PCCA: variants seen among roughly 807,000 people sequenced by gnomAD.
The protein encoded by PCCA is propionyl-CoA carboxylase alpha chain, mitochondrial.
PCCA carries 74 observed loss-of-function variants against 101.3 expected under a neutral mutation model. The observed-to-expected ratio is 0.73, with a 90% CI of 0.61 to 0.89. The LOEUF (loss-of-function observed/expected upper bound fraction) is 0.89. Among genes scored for constraint, PCCA ranks in the 40% least tolerant of loss-of-function variants. PCCA has a pLI of 0.00. For synonymous variants in PCCA, 294 were observed against 313.6 expected (o/e 0.94, Z 0.66); for missense variants, 891 against 907.0 (o/e 0.98, Z 0.23).
chr13:100,373,192 T>C (rs1404175876), intron 19 of PCCA, among the ~76,000 whole-genome samples: 1 of 152,204 alleles, frequency 6.6e-6, no homozygotes, highest in East Asian at 1.9e-4. Context: ...AGATGCTCAA[T>C]ATCACTAATC....
At chr13:100,095,884 T>C (rs539528682) in intron 1 of PCCA, among the ~76,000 whole-genome samples, 1 of 152,048 alleles carries the variant, frequency 6.6e-6, no homozygotes, top group East Asian at 1.9e-4. Flanking sequence ...TTGTGACTAG[T>C]ACGTAGCGAA....
chr13:100,335,468 C>T (rs1285477638), intron 17 of PCCA, among the ~76,000 whole-genome samples: 1 of 152,194 alleles, frequency 6.6e-6, no homozygotes, highest in Non-Finnish European at 1.5e-5. Context: ...ATTACCACTG[C>T]AGAACCCTTC....
At chr13:100,292,556 A>G (rs764542342) in intron 12 of PCCA, among the ~76,000 whole-genome samples, 6 of 152,152 alleles carry the variant, frequency 3.9e-5, no homozygotes, top group African/African-American at 9.7e-5. Context: ...CATGCTGTTT[A>G]TTATATATTG....
chr13:100,465,653 G>C (rs985086312), intron 21 of PCCA, among the ~76,000 whole-genome samples: 1 of 152,162 alleles, frequency 6.6e-6, no homozygotes. Flanking sequence ...TGCCCTATGC[G>C]TAATAGGATG....
chr13:100,436,480 A>C (rs186406555), intron 20 of PCCA, among the ~76,000 whole-genome samples: 1 of 152,304 alleles, frequency 6.6e-6, no homozygotes, highest in East Asian at 1.9e-4. Context: ...CCACACAGAA[A>C]AGGTGGGTGG....
chr13:100,182,568 G>T (rs533953648), intron 6 of PCCA, among the ~76,000 whole-genome samples: 6 of 152,256 alleles, frequency 3.9e-5, no homozygotes, highest in African/African-American at 1.4e-4. Context: ...AAGATAGCTA[G>T]CCTTGAAGAC....
chr13:100,176,226 C>T (rs2056228014), intron 6 of PCCA, among the ~76,000 whole-genome samples: 1 of 152,058 alleles, frequency 6.6e-6, no homozygotes, highest in African/African-American at 2.4e-5. Context: ...GGGATAGAGA[C>T]AGGACTCTGA....
At chr13:100,404,235 T>G (rs528329436) in intron 19 of PCCA, among the ~76,000 whole-genome samples, 2 of 152,272 alleles carry the variant, frequency 1.3e-5, no homozygotes, top group East Asian at 3.9e-4. Flanking sequence ...TTTTACCAGT[T>G]TGCACAGGGA....
intron 6 of PCCA, among the ~76,000 whole-genome samples, chr13:100,207,449 C>T (rs937730324): frequency 5.3e-5 from 8 of 152,088 alleles, no homozygotes; most frequent in East Asian, 2.0e-4. Flanking sequence ...GGCTCCATCT[C>T]GGCTCACTGC....
intron 20 of PCCA, among the ~76,000 whole-genome samples, chr13:100,436,516 C>A (rs1230404689): frequency 2.0e-5 from 3 of 152,154 alleles, no homozygotes; most frequent in African/African-American, 7.2e-5. Flanking sequence ...GCCCCTGGTC[C>A]TTTTATTACT....
rs774566974 is a variant in PCCA, at chr13:100,368,448, CTT to C, written c.1644-20_1644-19del. The C allele has an allele frequency of 7.9e-6, 10 of 1,272,156 alleles. No homozygotes were observed. The East Asian group carries it at 9.3e-5, about 12-fold the overall frequency. 78.8% of individuals were successfully genotyped at this position (1,272,156 alleles called of 1,614,324 possible). A position where few individuals can be genotyped will look rare whatever the true frequency, so the allele number is the denominator to read the frequency against. On this transcript the variant is annotated intron_variant, in intron 18 of 23. Coordinates refer to ENST00000376285, the MANE Select transcript of PCCA (RefSeq NM_000282.4). ...AAATAATAATATAAAATTATTAACT[CTT>C]TTTCTTTTCATTCTACTTCAGAATG... is the stretch of plus-strand genomic sequence containing the variant.
At chr13:100,395,833 G>T (rs1362854312) in intron 19 of PCCA, among the ~76,000 whole-genome samples, 1 of 152,168 alleles carries the variant, frequency 6.6e-6, no homozygotes, top group Non-Finnish European at 1.5e-5. Flanking sequence ...TTGTTAGGGA[G>T]CCCTATTTCT....
At chr13:100,280,662 C>T (rs565379246) in intron 12 of PCCA, among the ~76,000 whole-genome samples, 1 of 152,178 alleles carries the variant, frequency 6.6e-6, no homozygotes, top group African/African-American at 2.4e-5. Context: ...GAAGTGTATT[C>T]TAGTAGTCCC....
At chr13:100,286,700 A>G (rs983436467) in intron 12 of PCCA, among the ~76,000 whole-genome samples, 3 of 151,614 alleles carry the variant, frequency 2.0e-5, no homozygotes, top group African/African-American at 7.3e-5. Context: ...TTTCCAAAAG[A>G]AGAAGCTTCT....
At chr13:100,275,071 T>A (rs2063552206) in intron 12 of PCCA, among the ~76,000 whole-genome samples, 1 of 145,888 alleles carries the variant, frequency 6.9e-6, no homozygotes, top group African/African-American at 2.5e-5. Flanking sequence ...GGGGAGGGGG[T>A]GTTGAGTCAC....
At chr13:100,352,424 G>T (rs2073387424) in intron 18 of PCCA, among the ~76,000 whole-genome samples, 1 of 147,478 alleles carries the variant, frequency 6.8e-6, no homozygotes, top group Non-Finnish European at 1.5e-5. Context: ...TTGAGATAGG[G>T]TCTTGCTCTA....
At chr13:100,243,461 G>T (rs1225101730) in intron 8 of PCCA, among the ~76,000 whole-genome samples, 1 of 151,972 alleles carries the variant, frequency 6.6e-6, no homozygotes, top group Non-Finnish European at 1.5e-5. Flanking sequence ...GGGAAAAAAA[G>T]GAATATTAAG....
rs1360572278 is a variant in PCCA, at chr13:100,118,136, AAAAAG to A, written c.300+6080_300+6084del. On this transcript the variant is annotated intron_variant, in intron 4 of 23. Coordinates refer to ENST00000376285, the MANE Select transcript of PCCA (RefSeq NM_000282.4). ...ATCTCAAAAAAAAAGAAAAAAAAAA[AAAAAG>A]AAAATAAGTTACAGACATTGTGGCA... Among the ~76,000 whole-genome samples, 24 of 151,872 alleles carry A rather than the reference AAAAAG, an allele frequency of 1.6e-4. 1 individual carries two copies. The highest frequency in any genetic ancestry group is 5.6e-4 in the African/African-American group (23 of 41,416).
At chr13:100,286,476 G>A (rs12866977) in intron 12 of PCCA, among the ~76,000 whole-genome samples, 71,019 of 151,836 alleles carry the variant, frequency 0.47, 16,668 homozygotes, top group Middle Eastern at 0.54. Context: ...GCAGGTGATC[G>A]GAATGAGTTA....
Sources: allele counts gnomAD v4.1 joint callset (sites outside exome capture counted in the v4.1 genomes callset), GRCh38; gene constraint gnomAD v4.1.1; transcripts MANE v1.5; gene names NCBI Gene and HGNC (gene_info 2026-07-23, HGNC 2026-07-21).